The following PDE7B variants were observed in gnomAD, a reference collection of about 807,000 sequenced individuals.
The protein encoded by PDE7B is 3',5'-cyclic-AMP phosphodiesterase 7B.
A neutral mutation model predicts 56.2 loss-of-function variants in PDE7B; 29 were observed. The observed-to-expected ratio is 0.52, with a 90% CI of 0.38 to 0.70. The LOEUF (loss-of-function observed/expected upper bound fraction) is 0.70. Among genes scored for constraint, PDE7B ranks in the 30% least tolerant of loss-of-function variants. The probability of loss-of-function intolerance (pLI) is 0.00; values close to 1 mark genes in which losing one functional copy is unlikely to be tolerated. For missense variants in PDE7B, 490 were observed against 565.0 expected (o/e 0.87, Z 1.35); for synonymous variants, 197 against 196.9 (o/e 1.00, Z 0.00).
chr6:136,179,129 C>A lies in PDE7B; in HGVS notation c.936C>A (p.His312Gln). Residue 312 changes from histidine to glutamine, a missense_variant, in exon 10 of 13, where the codon CAC (histidine) becomes CAA (glutamine). His to Gln is a conservative substitution (Grantham distance 24). Coordinates refer to ENST00000308191, the MANE Select transcript of PDE7B (RefSeq NM_018945.4). ...GACTGGAGGATGCACAGGACAGGCA[C>A]TTTATGCTTCAGGTAAACGAAACAA... is the stretch of plus-strand genomic sequence containing the variant. ...DLRLEDAQDR[H>Q]FMLQIALKCA... is the part of the protein sequence containing the mutation. 3.7e-6 allele frequency: 6 copies of A among 1,613,934 alleles called. No individual in the cohort carries two copies. The highest frequency in any genetic ancestry group is 5.1e-6 in the Non-Finnish European group (6 of 1,179,902).
intron 8 of PDE7B, among the ~76,000 whole-genome samples, chr6:136,167,796 TC>T (rs1253867274): frequency 2.6e-5 from 4 of 152,220 alleles, no homozygotes; most frequent in African/African-American, 9.6e-5. Flanking sequence ...TTATAGAAAC[TC>T]TGTGTGAGGC....
chr6:135,887,505 C>T (rs1258283869), intron 1 of PDE7B, among the ~76,000 whole-genome samples: 1 of 152,038 alleles, frequency 6.6e-6, no homozygotes, highest in Non-Finnish European at 1.5e-5. Flanking sequence ...ATCAGTTAGA[C>T]TAAGTAATGA....
intron 7 of PDE7B, among the ~76,000 whole-genome samples, chr6:136,155,404 A>T (rs1778586933): frequency 6.6e-6 from 1 of 151,690 alleles, no homozygotes; most frequent in Admixed American, 6.6e-5. Context: ...ATACCAGAAT[A>T]ATCTACACAA....
At chr6:136,175,766 ACT>A (rs927808460) in intron 9 of PDE7B, among the ~76,000 whole-genome samples, 11 of 152,006 alleles carry the variant, frequency 7.2e-5, no homozygotes, top group African/African-American at 2.7e-4. Context: ...AAACTTTGAT[ACT>A]CTGTTTTCTC....
intron 11 of PDE7B, 46 bp downstream of exon 11, chr6:136,181,369 T>C (rs1779061514): frequency 8.7e-7 from 1 of 1,152,854 alleles, no homozygotes; most frequent in African/African-American, 1.5e-5. Context: ...CTGTCTTCTT[T>C]TAGGCATTTA....
rs1411971668 is a variant in PDE7B, at chr6:136,033,047, G to A, written c.83-75684G>A. Among the ~76,000 whole-genome samples the A allele has an allele frequency of 2.6e-5, 4 of 152,220 alleles. No homozygotes were observed. The East Asian group carries it at 5.8e-4, about 22-fold the overall frequency. ...ACTCGAATGTGAAATTCTGAAAAGT[G>A]TACTCTACCACCACTGTGACCTTTC... On this transcript the variant is annotated intron_variant, in intron 2 of 12. Transcript: ENST00000308191.
intron 2 of PDE7B, among the ~76,000 whole-genome samples, chr6:135,980,624 G>T (rs1375798084): frequency 6.6e-6 from 1 of 152,134 alleles, no homozygotes; most frequent in Non-Finnish European, 1.5e-5. Context: ...GTGGGCGAAG[G>T]ACATGAACAG....
chr6:135,886,443 G>C (rs1030788299), intron 1 of PDE7B, among the ~76,000 whole-genome samples: 2 of 151,950 alleles, frequency 1.3e-5, no homozygotes, highest in African/African-American at 2.4e-5. Flanking sequence ...TTCTTTAGTA[G>C]TGATTTCTAA....
chr6:135,979,326 G>T (rs1775251485), intron 2 of PDE7B, among the ~76,000 whole-genome samples: 1 of 151,846 alleles, frequency 6.6e-6, no homozygotes, highest in Admixed American at 6.6e-5. Flanking sequence ...AAGGATATTG[G>T]TCTAAAATTC....
chr6:135,912,517 C>T (rs1435536539), intron 1 of PDE7B, among the ~76,000 whole-genome samples: 4 of 152,040 alleles, frequency 2.6e-5, no homozygotes, highest in Admixed American at 6.5e-5. Context: ...GGAACAAATC[C>T]TCCATGGATA....
At chr6:135,916,388 CTT>C (rs1242651132) in intron 1 of PDE7B, among the ~76,000 whole-genome samples, 3 of 83,292 alleles carry the variant, frequency 3.6e-5, no homozygotes, top group Non-Finnish European at 6.5e-5. Context: ...CTTTTCTTTT[CTT>C]TCTTTTTTTT....
intron 2 of PDE7B, among the ~76,000 whole-genome samples, chr6:136,057,864 G>A (rs1776765307): frequency 1.3e-5 from 2 of 152,108 alleles, no homozygotes; most frequent in African/African-American, 2.4e-5. Context: ...AGCCTCCCAA[G>A]TAGCTGGGGT....
chr6:136,145,579 A>G (rs1181566335), intron 3 of PDE7B, among the ~76,000 whole-genome samples: 1 of 152,162 alleles, frequency 6.6e-6, no homozygotes, highest in Non-Finnish European at 1.5e-5. Flanking sequence ...CAATGTGCTC[A>G]AGTACTGTGA....
intron 3 of PDE7B, among the ~76,000 whole-genome samples, chr6:136,125,868 T>A (rs1778015158): frequency 6.6e-6 from 1 of 152,112 alleles, no homozygotes; most frequent in Non-Finnish European, 1.5e-5. Context: ...TCTAACCCTC[T>A]CAGACCCAAT....
intron 2 of PDE7B, among the ~76,000 whole-genome samples, chr6:135,994,930 G>C (rs1318271795): frequency 1.3e-5 from 2 of 152,130 alleles, no homozygotes; most frequent in Admixed American, 1.3e-4. Flanking sequence ...TAGTCATAGG[G>C]CTCAGTTTTT....
At chr6:135,917,904 G>T (rs569715923) in intron 1 of PDE7B, among the ~76,000 whole-genome samples, 1 of 152,126 alleles carries the variant, frequency 6.6e-6, no homozygotes, top group Non-Finnish European at 1.5e-5. Flanking sequence ...CGGTGAGCCC[G>T]CTCTCCTTTG....
At chr6:136,004,548 A>T (rs1355922682) in intron 2 of PDE7B, among the ~76,000 whole-genome samples, 1 of 152,066 alleles carries the variant, frequency 6.6e-6, no homozygotes, top group African/African-American at 2.4e-5. Flanking sequence ...AAGCATTCTT[A>T]TACACCAATA....
chr6:135,928,089 C>A (rs1454469126), intron 1 of PDE7B, among the ~76,000 whole-genome samples: 1 of 151,914 alleles, frequency 6.6e-6, no homozygotes, highest in Non-Finnish European at 1.5e-5. Context: ...CATGAGATAC[C>A]ATCTCACACC....
At chr6:136,050,105 G>A (rs116579303) in intron 2 of PDE7B, among the ~76,000 whole-genome samples, 1,546 of 152,180 alleles carry the variant, frequency 0.01, 25 homozygotes, top group African/African-American at 0.035. Context: ...CCCTGAAGCC[G>A]CTCAACTCCA....
Sources: gnomAD v4.1 joint callset for allele counts (sites outside exome capture counted in the v4.1 genomes callset) on GRCh38, gnomAD v4.1.1 for gene constraint, MANE v1.5 for transcripts, NCBI Gene and HGNC (gene_info 2026-07-23, HGNC 2026-07-21) for gene names.